The following DIDO1 variants were observed in gnomAD, a reference collection of about 807,000 sequenced individuals.
DIDO1 encodes the protein death inducer-obliterator 1, also known as death-inducer obliterator 1.
Under a neutral mutation model 99.4 loss-of-function variants are expected in DIDO1, and 16 were observed. The observed-to-expected ratio is 0.16, with a 90% confidence interval of 0.11 to 0.24. The LOEUF (loss-of-function observed/expected upper bound fraction) is 0.24, where lower values mean the gene tolerates loss of function less well. Among genes scored for constraint, DIDO1 ranks in the 10% least tolerant of loss-of-function variants. The pLI, the probability that DIDO1 is intolerant of heterozygous loss-of-function variation, is 1.00. For synonymous variants in DIDO1, 1,366 were observed against 1,239.1 expected (o/e 1.10, Z -2.15); for missense variants, 2,996 against 3,014.0 (o/e 0.99, Z 0.14).
chr20:62,895,214 C>T (rs1030669429), intron 8 of DIDO1, 49 bp from the exon 9 acceptor site: 4 of 1,519,312 alleles, frequency 2.6e-6, no homozygotes, highest in Non-Finnish European at 3.6e-6. Flanking sequence ...CTATATCTGT[C>T]AATACAGAGA....
At chr20:62,910,735 C>T in intron 3 of DIDO1, 39 bp downstream of exon 3, 1 of 1,579,492 alleles carries the variant, frequency 6.3e-7, no homozygotes, top group Non-Finnish European at 8.6e-7. Flanking sequence ...ATTCTGTTTG[C>T]AACCCTGGGA....
chr20:62,892,181 C>T, intron 13 of DIDO1, 105 bp from the exon 14 acceptor site: 2 of 922,446 alleles, frequency 2.2e-6, no homozygotes, highest in Non-Finnish European at 3.3e-6. Flanking sequence ...AAGAAGACTA[C>T]AGCTATTCCA....
chr20:62,906,859 G>T (rs1483725087), intron 5 of DIDO1, among the ~76,000 whole-genome samples: 2 of 152,192 alleles, frequency 1.3e-5, no homozygotes, highest in Non-Finnish European at 2.9e-5. Context: ...CCACCGGGTG[G>T]TTACCAACTC....
intron 15 of DIDO1, chr20:62,887,930 G>A (rs1225082056): frequency 2.0e-6 from 2 of 985,396 alleles, no homozygotes; most frequent in African/African-American, 1.7e-5. Flanking sequence ...GAGGGGCAGA[G>A]GAAGACAACC....
Position 62,880,870 on chromosome 20 carries a change from C to G in DIDO1, c.5086G>C (p.Gly1696Arg). Reference protein sequence around the residue: ...PGFASQDKALGSAQYEDPRNL... With the variant: ...PGFASQDKALRSAQYEDPRNL... ...CTTGGGTCCTCATACTGGGCTGAGC[C>G]GAGAGCCTTGTCCTGCGACGCGAAC... The change falls in exon 16 of 16, where the codon GGC becomes CGC. Residue 1696 changes from glycine (G) to arginine (R), a missense_variant. This residue lies in a region of DIDO1 where 1,562 missense variants were observed against 1,412.6 expected (regional missense o/e 1.11). Transcript: ENST00000395343. The G allele has an allele frequency of 6.2e-7, 1 of 1,612,656 alleles. No homozygotes were observed. The highest frequency in any genetic ancestry group is 8.5e-7 in the Non-Finnish European group (1 of 1,179,964).
intron 1 of DIDO1, among the ~76,000 whole-genome samples, chr20:62,934,427 C>G (rs1474401684): frequency 6.6e-6 from 1 of 152,192 alleles, no homozygotes; most frequent in African/African-American, 2.4e-5. Flanking sequence ...GACTTCTGAC[C>G]TCCCTACTAC....
At chr20:62,901,214 CT>C (rs2064669546) in intron 6 of DIDO1, among the ~76,000 whole-genome samples, 2 of 152,206 alleles carry the variant, frequency 1.3e-5, no homozygotes, top group Non-Finnish European at 2.9e-5. Flanking sequence ...CCAGGACGCC[CT>C]TGCAGGGTCC....
intron 15 of DIDO1, among the ~76,000 whole-genome samples, chr20:62,886,702 C>T (rs912746290): frequency 1.3e-5 from 2 of 152,190 alleles, no homozygotes; most frequent in Non-Finnish European, 2.9e-5. Context: ...AGGCCTTTAC[C>T]CCTAAAGCCA....
intron 6 of DIDO1, among the ~76,000 whole-genome samples, chr20:62,897,791 G>T (rs1282801113): frequency 6.6e-6 from 1 of 152,224 alleles, no homozygotes; most frequent in Non-Finnish European, 1.5e-5. Flanking sequence ...GAGCCCAAAG[G>T]CCCTCGAGCA....
chr20:62,890,702 A>G (rs2064378500), intron 15 of DIDO1: 6 of 1,336,508 alleles, frequency 4.5e-6, no homozygotes, highest in Non-Finnish European at 4.8e-6. Context: ...TGAGGCCAAG[A>G]TGAGCTGGTT....
Position 62,879,605 on chromosome 20 carries a change from G to A in DIDO1, c.6351C>T (p.Arg2117=). ...GRASEDRRRE[R]ERGRNWSRER... Reference sequence around the variant, plus strand: ...CTCGGCTCCAGTTTCGGCCGCGCTCGCGCTCTCTCCTCCTGTCCTCGGACG... The same window carrying A: ...CTCGGCTCCAGTTTCGGCCGCGCTCACGCTCTCTCCTCCTGTCCTCGGACG... Residue 2117 remains arginine, a synonymous_variant, in exon 16 of 16, where the codon CGC becomes CGT. Transcript: ENST00000395343. This position sits in a 1 kb window ranked among gnomAD's most constrained non-coding sequence, Gnocchi z 6.3. 3.1e-6 allele frequency: 5 copies of A among 1,604,016 alleles called. No homozygotes were observed. The highest frequency in any genetic ancestry group is 3.4e-6 in the Non-Finnish European group (4 of 1,179,680).
Position 62,906,231 on chromosome 20 carries a change from G to T in DIDO1, c.1375-131C>A, listed in dbSNP as rs958304927. On this transcript the variant is annotated intron_variant, in intron 5 of 15. Transcript: ENST00000395343. ...TCTGAAGACCCTGCACCCATCCTGC[G>T]CCTGCTTGGCAGCAGTTCAACACAC... is the stretch of plus-strand genomic sequence containing the variant. 1.3e-5 allele frequency: 16 copies of T among 1,210,808 alleles called. No individual in the cohort carries two copies. In the East Asian group the frequency reaches 3.4e-4, roughly 26 times the overall value. 75.0% of individuals were successfully genotyped at this position (1,210,808 alleles called of 1,614,324 possible).
chr20:62,901,638 T>C (rs760331831), intron 6 of DIDO1, among the ~76,000 whole-genome samples: 1 of 152,136 alleles, frequency 6.6e-6, no homozygotes, highest in Non-Finnish European at 1.5e-5. Context: ...AGCAGGTCAG[T>C]TGAGGATAAA....
chr20:62,928,154 G>T (rs530675999), upstream of DIDO1, among the ~76,000 whole-genome samples: 2 of 152,180 alleles, frequency 1.3e-5, no homozygotes, highest in Non-Finnish European at 2.9e-5. Flanking sequence ...GTTTCTGCAA[G>T]ACGGTGAGAT....
intron 4 of DIDO1, 79 bp downstream of exon 4, chr20:62,909,620 G>C: frequency 5.2e-6 from 8 of 1,551,914 alleles, no homozygotes; most frequent in Non-Finnish European, 7.0e-6. Flanking sequence ...ACCCGTCCTG[G>C]GAGGAATTTC....
chr20:62,922,883 A>AT (rs1392484283), intron 1 of DIDO1, among the ~76,000 whole-genome samples: 1 of 152,254 alleles, frequency 6.6e-6, no homozygotes, highest in African/African-American at 2.4e-5. Flanking sequence ...CCCAGGAGAA[A>AT]TTAAGTAGGA....
At chr20:62,917,446 T>A (rs1051371543) in intron 1 of DIDO1, among the ~76,000 whole-genome samples, 4 of 152,212 alleles carry the variant, frequency 2.6e-5, no homozygotes, top group Admixed American at 6.5e-5. Context: ...TCAAATTTTA[T>A]CCTTAGCAAC....
upstream of DIDO1, among the ~76,000 whole-genome samples, chr20:62,926,794 G>C (rs1399181728): frequency 6.6e-6 from 1 of 152,218 alleles, no homozygotes; most frequent in Non-Finnish European, 1.5e-5. Context: ...GGCGGAACGT[G>C]GATGCTAGCC....
At chr20:62,900,681 T>TA (rs1262850392) in intron 6 of DIDO1, among the ~76,000 whole-genome samples, 1 of 152,172 alleles carries the variant, frequency 6.6e-6, no homozygotes, top group Non-Finnish European at 1.5e-5. Flanking sequence ...ATCACTAAAA[T>TA]AAACACCACA....
Sources: gnomAD v4.1 joint callset for allele counts (sites outside exome capture counted in the v4.1 genomes callset) on GRCh38, gnomAD v4.1.1 for gene constraint, gnomAD v4.1.1 regional missense constraint, Gnocchi (gnomAD v3.1) non-coding constraint, MANE v1.5 for transcripts, NCBI Gene and HGNC (gene_info 2026-07-23, HGNC 2026-07-21) for gene names.